Variants in CALM2 observed in about 807,000 individuals in gnomAD.
CALM2 encodes calmodulin 2.
Under a neutral mutation model 19.8 loss-of-function variants are expected in CALM2, and 2 were observed. That is an observed-to-expected ratio of 0.10 (90% confidence interval 0.04 to 0.32). The LOEUF (loss-of-function observed/expected upper bound fraction) is 0.32. Ranked by LOEUF, CALM2 falls within the 10% of genes least tolerant of loss-of-function variation. CALM2 has a pLI of 1.00. For missense variants in CALM2, 38 were observed against 178.7 expected, an observed-to-expected ratio of 0.21 and a Z score of 4.49; for synonymous variants, 51 against 52.1, an observed-to-expected ratio of 0.98 and a Z score of 0.09.
chr2:47,160,616 GTAAGA>G lies in CALM2; in HGVS notation c.*155_*159del, dbSNP rs1323373946. The G allele has an allele frequency of 2.0e-6, 1 of 510,610 alleles. No homozygotes were observed. Among genetic ancestry groups the G allele is most frequent in the African/African-American group, 2.0e-5 (1 of 50,072 alleles). The allele number at this position is 510,610 out of a possible 1,614,324, so 31.6% of individuals were successfully genotyped here. ...AAAATAAGGTTTTAGGACAATGACAGTAAGATAAGGGAAGAAAACATGGAGGAATG... is the reference window on the plus strand; with the variant it reads ...AAAATAAGGTTTTAGGACAATGACAGTAAGGGAAGAAAACATGGAGGAATG... On this transcript the variant is annotated 3_prime_UTR_variant, in exon 6 of 6. Coordinates refer to ENST00000272298, the MANE Select transcript of CALM2 (RefSeq NM_001743.6).
At chr2:47,167,371 A>G (rs1338698949) in intron 2 of CALM2, 1 of 152,158 alleles carries the variant, frequency 6.6e-6, no homozygotes, top group Non-Finnish European at 1.5e-5. Context: ...GTCATACTAG[A>G]CTGGAATGCT....
chr2:47,164,347 AACACACACACACACACACAC>A (rs61085424), intron 2 of CALM2, among the ~76,000 whole-genome samples: 23,367 of 139,760 alleles, frequency 0.17, 2,329 homozygotes, highest in African/African-American at 0.26. Context: ...TCTCTACTAA[AACACACACACACACACACAC>A]ACACACACAC....
chr2:47,162,399 TGG>T lies in CALM2; in HGVS notation c.179-9_179-8del, dbSNP rs777622236. ...AAGTCAATTGTGCCATTACCTGAAA[TGG>T]TTTAGTGGAAACATCAAAGCTTTAG... On this transcript the variant is annotated splice_polypyrimidine_tract_variant and splice_region_variant and intron_variant, in intron 3 of 5. Transcript: ENST00000272298. 4 of 1,607,504 alleles carry T rather than the reference TGG, an allele frequency of 2.5e-6. No individual in the cohort carries two copies. In the Admixed American group the frequency reaches 6.8e-5, roughly 27 times the overall value.
chr2:47,174,147 A>C (rs1666768341), intron 1 of CALM2: 1 of 152,212 alleles, frequency 6.6e-6, no homozygotes, highest in Non-Finnish European at 1.5e-5. Flanking sequence ...TCTTGAAGCA[A>C]TCCCGTTTTC....
chr2:47,164,691 T>A (rs572812986), intron 2 of CALM2, among the ~76,000 whole-genome samples: 2 of 152,242 alleles, frequency 1.3e-5, no homozygotes, highest in South Asian at 4.1e-4. Context: ...ATTTTCCAAG[T>A]AAGTCATTTC....
chr2:47,161,290 A>G (rs914597296), intron 5 of CALM2, among the ~76,000 whole-genome samples: 4 of 152,240 alleles, frequency 2.6e-5, no homozygotes, highest in Non-Finnish European at 4.4e-5. Flanking sequence ...TTTGAAGCAC[A>G]TGTAAACTTC....
intron 1 of CALM2, among the ~76,000 whole-genome samples, chr2:47,175,927 A>G (rs1479435117): frequency 6.6e-6 from 1 of 150,590 alleles, no homozygotes; most frequent in Non-Finnish European, 1.5e-5. Flanking sequence ...GACGCGGGCT[A>G]ACTGCGACGC....
At chr2:47,170,600 T>C in intron 2 of CALM2, 134 bp downstream of exon 2, 2 of 747,040 alleles carry the variant, frequency 2.7e-6, no homozygotes, top group Non-Finnish European at 4.8e-6. Flanking sequence ...ATTACTGTAT[T>C]ATATTATACC....
intron 1 of CALM2, among the ~76,000 whole-genome samples, chr2:47,175,843 TGCGCCGCGCGGGCTCGGCCCACACAGC>T (rs1666843656): frequency 6.8e-6 from 1 of 147,630 alleles, no homozygotes; most frequent in Non-Finnish European, 1.5e-5. Context: ...GGCCGCTCCC[TGCGCCGCGCGGGCTCGGCCCACACAGC>T]GCGCCGCCCG....
chr2:47,164,868 T>C (rs954182228), intron 2 of CALM2, among the ~76,000 whole-genome samples: 1 of 152,208 alleles, frequency 6.6e-6, no homozygotes, highest in Non-Finnish European at 1.5e-5. Flanking sequence ...CCTGCCTGCT[T>C]ATCCCTAACT....
chr2:47,171,950 T>G (rs928006708), intron 1 of CALM2: 2 of 144,640 alleles, frequency 1.4e-5, no homozygotes, highest in African/African-American at 5.2e-5. Context: ...GCTCAACAAT[T>G]TTTGTTTGAC....
At chr2:47,176,527 C>T (rs776202783), upstream of CALM2, 52 of 1,587,924 alleles carry the variant, frequency 3.3e-5, 1 homozygote, top group Admixed American at 1.1e-4. Context: ...GCCTCCTCCG[C>T]CCCCAGCGCC....
chr2:47,168,799 G>A (rs7596698), intron 2 of CALM2, among the ~76,000 whole-genome samples: 132,774 of 151,612 alleles, frequency 0.88, 58,192 homozygotes, highest in Middle Eastern at 0.93. Flanking sequence ...TTTTTTTGAG[G>A]CAAAGTCTCG....
chr2:47,165,905 T>C (rs772366124), intron 2 of CALM2, among the ~76,000 whole-genome samples: 2 of 152,228 alleles, frequency 1.3e-5, no homozygotes, highest in Admixed American at 6.5e-5. Flanking sequence ...ATTTAAATAC[T>C]GCCTGATTTT....
chr2:47,176,390 C>G, intron 1 of CALM2, 51 bp downstream of exon 1: 2 of 1,607,288 alleles, frequency 1.2e-6, no homozygotes, highest in South Asian at 1.1e-5. Context: ...CAGTTCGCTC[C>G]AGTCTCTTCC....
intron 2 of CALM2, among the ~76,000 whole-genome samples, chr2:47,166,431 T>C (rs1473776984): frequency 1.3e-5 from 2 of 152,230 alleles, no homozygotes; most frequent in East Asian, 1.9e-4. Flanking sequence ...AGATGCATAG[T>C]GTAAGACTAT....
chr2:47,168,281 G>C (rs1407449374), intron 2 of CALM2, among the ~76,000 whole-genome samples: 8 of 152,060 alleles, frequency 5.3e-5, no homozygotes. Context: ...TCTAGGAAAA[G>C]GCAGGATAAG....
At chr2:47,169,353 T>G (rs1666595487) in intron 2 of CALM2, among the ~76,000 whole-genome samples, 1 of 152,100 alleles carries the variant, frequency 6.6e-6, no homozygotes, top group Admixed American at 6.6e-5. Context: ...AGAGATGGGG[T>G]CTCACTATGT....
chr2:47,161,429 G>T (rs1350256215), intron 5 of CALM2, among the ~76,000 whole-genome samples: 1 of 152,128 alleles, frequency 6.6e-6, no homozygotes, highest in Admixed American at 6.5e-5. Context: ...CACAAACACT[G>T]AACAGTGCTT....
Sources: gnomAD v4.1 joint callset for allele counts (sites outside exome capture counted in the v4.1 genomes callset) on GRCh38, gnomAD v4.1.1 for gene constraint, MANE v1.5 for transcripts, NCBI Gene and HGNC (gene_info 2026-07-23, HGNC 2026-07-21) for gene names.